The following MAGI2 variants were observed in gnomAD, a reference collection of about 807,000 sequenced individuals.
The protein encoded by MAGI2 is membrane associated guanylate kinase, WW and PDZ domain containing 2, also known as membrane-associated guanylate kinase, WW and PDZ domain-containing protein 2.
MAGI2 carries 35 observed loss-of-function variants against 133.3 expected under a neutral mutation model. That is an observed-to-expected ratio of 0.26 (90% CI 0.20 to 0.35). The LOEUF is 0.35. Among genes scored for constraint, MAGI2 ranks in the 10% least tolerant of loss-of-function variants. MAGI2 has a pLI of 1.00. For missense variants in MAGI2, 1,636 were observed against 1,863.4 expected (o/e 0.88, Z 2.25); for synonymous variants, 729 against 710.6 (o/e 1.03, Z -0.41).
At chr7:79,427,159 T>C (rs1026003786) in intron 1 of MAGI2, among the ~76,000 whole-genome samples, 1 of 152,158 alleles carries the variant, frequency 6.6e-6, no homozygotes, top group Non-Finnish European at 1.5e-5. Flanking sequence ...CAATAAATAT[T>C]TACCGAGTAC....
intron 2 of MAGI2, among the ~76,000 whole-genome samples, chr7:78,788,494 C>A (rs961674971): frequency 6.6e-6 from 1 of 151,872 alleles, no homozygotes; most frequent in African/African-American, 2.4e-5. Flanking sequence ...AAATTCTCTT[C>A]ATTTTGCCTT....
chr7:78,994,807 G>A (rs180770357), intron 2 of MAGI2, among the ~76,000 whole-genome samples: 4 of 152,202 alleles, frequency 2.6e-5, no homozygotes, highest in Non-Finnish European at 5.9e-5. Context: ...CTTGCACGTA[G>A]ATGTTTGTTA....
intron 3 of MAGI2, among the ~76,000 whole-genome samples, chr7:78,578,140 T>C (rs755128023): frequency 2.4e-4 from 36 of 152,090 alleles, no homozygotes; most frequent in Non-Finnish European, 5.9e-5. Context: ...TATTTTTGGA[T>C]GATCATAAAA....
At chr7:79,125,661 C>G in intron 1 of MAGI2, 1 of 529,400 alleles carries the variant, frequency 1.9e-6, no homozygotes, top group Admixed American at 1.9e-5. Context: ...TTACAACAAT[C>G]AATCTTTAAA....
At chr7:78,262,949 G>A (rs1238616959) in intron 9 of MAGI2, among the ~76,000 whole-genome samples, 1 of 152,126 alleles carries the variant, frequency 6.6e-6, no homozygotes, top group Non-Finnish European at 1.5e-5. Context: ...GTGCCCAATA[G>A]GGAGGTTTTT....
At chr7:78,588,313 T>C (rs138823363) in intron 3 of MAGI2, among the ~76,000 whole-genome samples, 59 of 152,336 alleles carry the variant, frequency 3.9e-4, no homozygotes, top group South Asian at 1.0e-3. Flanking sequence ...AAAGCATGAA[T>C]TGGTGTGTAT....
intron 21 of MAGI2, among the ~76,000 whole-genome samples, chr7:78,044,768 C>T (rs1811246071): frequency 6.6e-6 from 1 of 151,480 alleles, no homozygotes; most frequent in Admixed American, 6.6e-5. Context: ...TTAAGCTGGC[C>T]TTTCATAGAA....
At chr7:78,640,922 T>TA (rs1461272855) in intron 2 of MAGI2, among the ~76,000 whole-genome samples, 2 of 152,198 alleles carry the variant, frequency 1.3e-5, no homozygotes, top group African/African-American at 2.4e-5. Flanking sequence ...GTCATTCCCA[T>TA]AATCCCTGCA....
chr7:78,990,035 G>A (rs1246333198), intron 2 of MAGI2, among the ~76,000 whole-genome samples: 1 of 151,930 alleles, frequency 6.6e-6, no homozygotes, highest in African/African-American at 2.4e-5. Flanking sequence ...ATACATGTTT[G>A]TTTCCTTACC....
intron 4 of MAGI2, among the ~76,000 whole-genome samples, chr7:78,507,628 T>C (rs1795204022): frequency 6.6e-6 from 1 of 152,130 alleles, no homozygotes; most frequent in African/African-American, 2.4e-5. Flanking sequence ...CAATAATGAT[T>C]TGTTAAGTGA....
At chr7:79,335,019 A>G (rs1290200196) in intron 1 of MAGI2, among the ~76,000 whole-genome samples, 1 of 152,156 alleles carries the variant, frequency 6.6e-6, no homozygotes, top group Non-Finnish European at 1.5e-5. Context: ...TCTCAAGCAT[A>G]AGTGCTTTGG....
intron 2 of MAGI2, among the ~76,000 whole-genome samples, chr7:78,658,457 G>A (rs1812546635): frequency 1.3e-5 from 2 of 152,154 alleles, no homozygotes; most frequent in Admixed American, 6.6e-5. Flanking sequence ...CCCATAGAAG[G>A]GAAAATTGAT....
intron 3 of MAGI2, among the ~76,000 whole-genome samples, chr7:78,621,885 C>T (rs1192500564): frequency 1.3e-5 from 2 of 152,118 alleles, no homozygotes; most frequent in Middle Eastern, 3.4e-3. Context: ...TAAAAAGGCA[C>T]ACATATAAAA....
chr7:79,323,826 T>C (rs1248993475), intron 1 of MAGI2, among the ~76,000 whole-genome samples: 3 of 152,148 alleles, frequency 2.0e-5, no homozygotes, highest in African/African-American at 2.4e-5. Context: ...TGTTTTCTAA[T>C]GGAGCACATG....
chr7:78,035,536 G>A (rs746059948), intron 21 of MAGI2, among the ~76,000 whole-genome samples: 9 of 152,118 alleles, frequency 5.9e-5, no homozygotes, highest in Non-Finnish European at 1.0e-4. Flanking sequence ...TATATAATCA[G>A]TCAATAAGTT....
intron 2 of MAGI2, among the ~76,000 whole-genome samples, chr7:78,738,097 A>T (rs1015886779): frequency 7.2e-5 from 11 of 152,040 alleles, no homozygotes; most frequent in Non-Finnish European, 1.5e-4. Context: ...ATTGTAAATT[A>T]ATTTCAGACT....
intron 3 of MAGI2, among the ~76,000 whole-genome samples, chr7:78,622,032 A>C (rs1333330444): frequency 6.6e-6 from 1 of 152,048 alleles, no homozygotes; most frequent in Admixed American, 6.6e-5. Flanking sequence ...ACATTTTATA[A>C]AGGACTCTCT....
At chr7:78,226,244 G>T (rs75597404) in intron 10 of MAGI2, among the ~76,000 whole-genome samples, 1 of 151,526 alleles carries the variant, frequency 6.6e-6, no homozygotes, top group Non-Finnish European at 1.5e-5. Flanking sequence ...GATTCTGTGC[G>T]AATGGTGCCC....
intron 9 of MAGI2, among the ~76,000 whole-genome samples, chr7:78,333,657 C>T (rs1789460179): frequency 6.6e-6 from 1 of 152,210 alleles, no homozygotes; most frequent in African/African-American, 2.4e-5. Context: ...TCTCAAGCTA[C>T]CCTAAGCTAC....
Sources: gnomAD v4.1 joint callset for allele counts (sites outside exome capture counted in the v4.1 genomes callset) on GRCh38, gnomAD v4.1.1 for gene constraint, MANE v1.5 for transcripts, NCBI Gene and HGNC (gene_info 2026-07-23, HGNC 2026-07-21) for gene names.